Variants in GAL3ST1 observed in about 807,000 individuals in gnomAD.
GAL3ST1 encodes the protein galactose-3-O-sulfotransferase 1.
A neutral mutation model predicts 25.0 loss-of-function variants in GAL3ST1; 13 were observed. That is an observed-to-expected ratio of 0.52 (90% CI 0.34 to 0.83). The LOEUF is 0.83. GAL3ST1 is among the 40% of genes least tolerant of loss of function. The probability of loss-of-function intolerance (pLI) is 0.02; values close to 1 mark genes in which losing one functional copy is unlikely to be tolerated. For synonymous variants in GAL3ST1, 274 were observed against 277.8 expected (o/e 0.99, Z 0.14); for missense variants, 474 against 613.6 (o/e 0.77, Z 2.40).
intron 1 of GAL3ST1, among the ~76,000 whole-genome samples, chr22:30,565,801 A>G (rs376149916): frequency 8.5e-5 from 13 of 152,146 alleles, no homozygotes; most frequent in African/African-American, 2.7e-4. Flanking sequence ...GGTTCAGGTC[A>G]GTTGTCTCAG....
intron 1 of GAL3ST1, among the ~76,000 whole-genome samples, chr22:30,568,801 C>T (rs954099021): frequency 7.2e-5 from 11 of 151,876 alleles, no homozygotes; most frequent in African/African-American, 2.4e-4. Context: ...AGAGGCCTGG[C>T]GCAGTGGCTC....
At chr22:30,564,591 T>C (rs2086565728) in intron 1 of GAL3ST1, among the ~76,000 whole-genome samples, 1 of 152,216 alleles carries the variant, frequency 6.6e-6, no homozygotes. Flanking sequence ...CACATTGGCC[T>C]GCATCAGTGC....
intron 1 of GAL3ST1, among the ~76,000 whole-genome samples, chr22:30,569,075 CA>C (rs66507126): frequency 0.4 from 34,521 of 86,084 alleles, 4,290 homozygotes; most frequent in Middle Eastern, 0.45. Flanking sequence ...GACTCCATCT[CA>C]AAAAAAAAAA....
At chr22:30,564,363 G>A (rs1002402484) in intron 1 of GAL3ST1, among the ~76,000 whole-genome samples, 3 of 152,208 alleles carry the variant, frequency 2.0e-5, no homozygotes, top group Non-Finnish European at 2.9e-5. Context: ...GAGACTCCTA[G>A]CCTCAGGGTC....
intron 1 of GAL3ST1, among the ~76,000 whole-genome samples, chr22:30,565,847 A>G (rs1425265434): frequency 1.3e-5 from 2 of 152,214 alleles, no homozygotes; most frequent in African/African-American, 4.8e-5. Flanking sequence ...TTGTGCCCAG[A>G]AATGCCTCCT....
chr22:30,564,188 G>C (rs986556452), intron 1 of GAL3ST1, among the ~76,000 whole-genome samples: 1 of 152,182 alleles, frequency 6.6e-6, no homozygotes, highest in Non-Finnish European at 1.5e-5. Flanking sequence ...GCCCGAGGCT[G>C]GTGCAGAGCA....
At chr22:30,562,279 C>A (rs927872638) in intron 1 of GAL3ST1, among the ~76,000 whole-genome samples, 1 of 152,082 alleles carries the variant, frequency 6.6e-6, no homozygotes, top group Non-Finnish European at 1.5e-5. Context: ...TGGTCTCGAA[C>A]ACCTGGCCTC....
At chr22:30,562,206 C>G (rs1601957730) in intron 1 of GAL3ST1, among the ~76,000 whole-genome samples, 1 of 152,148 alleles carries the variant, frequency 6.6e-6, no homozygotes, top group East Asian at 1.9e-4. Flanking sequence ...CATGCACCAC[C>G]ATGCCTGGCT....
At chr22:30,561,298 G>A (rs887448124) in intron 1 of GAL3ST1, among the ~76,000 whole-genome samples, 1 of 152,168 alleles carries the variant, frequency 6.6e-6, no homozygotes, top group Non-Finnish European at 1.5e-5. Flanking sequence ...GCTGGGTGCT[G>A]CCAGCCACTG....
intron 1 of GAL3ST1, among the ~76,000 whole-genome samples, chr22:30,570,518 C>G (rs1277508889): frequency 6.6e-6 from 1 of 152,146 alleles, no homozygotes; most frequent in Non-Finnish European, 1.5e-5. Context: ...GTTGCCTGAC[C>G]GGATGTGGTG....
intron 1 of GAL3ST1, among the ~76,000 whole-genome samples, chr22:30,564,242 T>C (rs1249193317): frequency 2.6e-5 from 4 of 152,354 alleles, no homozygotes; most frequent in African/African-American, 7.2e-5. Context: ...ATCATCATTA[T>C]CATCATTACG....
intron 1 of GAL3ST1, among the ~76,000 whole-genome samples, chr22:30,571,033 A>G (rs1465600014): frequency 6.6e-6 from 1 of 151,910 alleles, no homozygotes; most frequent in African/African-American, 2.4e-5. Flanking sequence ...AAAACAGCTT[A>G]TATTACTTTG....
At chr22:30,565,934 C>T (rs973512784) in intron 1 of GAL3ST1, among the ~76,000 whole-genome samples, 1 of 152,182 alleles carries the variant, frequency 6.6e-6, no homozygotes, top group Non-Finnish European at 1.5e-5. Flanking sequence ...ACCCAGGTGC[C>T]ACCATCAATT....
rs372314038 is a variant in GAL3ST1 at position 30,555,513 on chromosome 22, G to A, written c.712C>T (p.His238Tyr). 20 of 1,613,564 alleles carry A rather than the reference G, an allele frequency of 1.2e-5. No individual in the cohort carries two copies. Among genetic ancestry groups the A allele is most frequent in the Non-Finnish European group, 1.6e-5 (19 of 1,179,998 alleles). ...AAGCGACGCTCCACCTCCAGGATGT[G>A]CTCCTGCACCTGCGGGCTGCTGGGG... ...LDPSSPQVQE[H>Y]ILEVERRFHL... is the part of the protein sequence containing the mutation. Residue 238 changes from histidine (H) to tyrosine (Y), a missense_variant, in exon 4 of 4, where the codon CAC becomes TAC. Transcript: ENST00000406361. The surrounding 1 kb of genome is among the most constrained non-coding windows in gnomAD (Gnocchi z 8.6).
In GAL3ST1 at chr22:30,556,016, C is replaced by G; in HGVS notation, c.209G>C (p.Gly70Ala). 1 of 1,612,720 alleles carries G rather than the reference C, an allele frequency of 6.2e-7. No individual in the cohort carries two copies. The highest frequency in any genetic ancestry group is 8.5e-7 in the Non-Finnish European group (1 of 1,179,864). Residue 70 changes from glycine (G) to alanine (A), a missense_variant, in exon 4 of 4, where the codon GGG becomes GCG. Coordinates refer to ENST00000406361, the MANE Select transcript of GAL3ST1 (RefSeq NM_001318104.2). ...EAVIRANGSA[G>A]ECQPRRNIVF... ...GATGTTGCGCCGCGGCTGGCACTCCCCCGCCGAGCCGTTGGCCCGGATCAC... is the reference window on the plus strand; with the variant it reads ...GATGTTGCGCCGCGGCTGGCACTCCGCCGCCGAGCCGTTGGCCCGGATCAC...
rs545770930 is a variant in GAL3ST1 at position 30,568,343 on chromosome 22, C to T, written c.-120+6123G>A. ...CCATGCGCCCTTGCAGTTCAGTGTC[C>T]TCACATAACTGGGTCCTGGCCAATG... On this transcript the variant is annotated intron_variant, in intron 1 of 3. Transcript: ENST00000406361. Among the ~76,000 whole-genome samples, 23 of 152,322 alleles carry T rather than the reference C, an allele frequency of 1.5e-4. 1 individual carries two copies. The South Asian group carries it at 4.8e-3, about 32-fold the overall frequency.
At chr22:30,572,994 T>C (rs532983284) in intron 1 of GAL3ST1, 114 of 152,208 alleles carry the variant, frequency 7.5e-4, no homozygotes, top group South Asian at 1.9e-3. Flanking sequence ...TCGGACCCAT[T>C]AAGGGAAGGG....
intron 1 of GAL3ST1, among the ~76,000 whole-genome samples, chr22:30,570,977 TACACACACACACACACACACAC>T: frequency 6.8e-6 from 1 of 146,184 alleles, no homozygotes; most frequent in African/African-American, 2.5e-5. Context: ...TCTGTGATGA[TACACACACACACACACACACAC>T]ACACACACAC....
At chr22:30,556,324 G>A (rs1299241210) in intron 3 of GAL3ST1, among the ~76,000 whole-genome samples, 2 of 152,154 alleles carry the variant, frequency 1.3e-5, no homozygotes, top group African/African-American at 4.8e-5. Context: ...ACGGTGTTGT[G>A]AGATGAGGCA....
Sources: gnomAD v4.1 joint callset for allele counts (sites outside exome capture counted in the v4.1 genomes callset) on GRCh38, gnomAD v4.1.1 for gene constraint, Gnocchi (gnomAD v3.1) non-coding constraint, MANE v1.5 for transcripts, NCBI Gene and HGNC (gene_info 2026-07-23, HGNC 2026-07-21) for gene names.